OR2W1: variants seen among roughly 807,000 people sequenced by gnomAD.
OR2W1 encodes the protein olfactory receptor 2W1.
For synonymous variants in OR2W1, 133 were observed against 137.8 expected (o/e 0.97, Z 0.24); for missense variants, 367 against 385.3 (o/e 0.95, Z 0.40).
chr6:29,044,435 T>G lies in OR2W1; in HGVS notation c.741A>C (p.Val247=). ...AMNTCGSHLT[V]VSMFYGTIIY... Reference sequence around the variant, plus strand: ...TAATAGTTCCATAGAACATAGACACTACAGTAAGATGAGATCCACAGGTAT... The same window carrying G: ...TAATAGTTCCATAGAACATAGACACGACAGTAAGATGAGATCCACAGGTAT... Residue 247 remains valine, a synonymous_variant, in exon 1 of 1, where the codon GTA becomes GTC. Transcript: ENST00000377175. The surrounding 1 kb of genome is among the most constrained non-coding windows in gnomAD (Gnocchi z 4.3). 1 of 1,613,030 alleles carries G rather than the reference T, an allele frequency of 6.2e-7. No homozygotes were observed. The highest frequency in any genetic ancestry group is 2.2e-5 in the East Asian group (1 of 44,876).
rs752116788 is a variant in OR2W1, at chr6:29,044,759, A to C, written c.417T>G (p.His139Gln). ...TCATGATAATCATCTTTAGACATAG[A>C]TGTGGGTTCATGACTACAAAATAAT... ...PLHYFVVMNP[H>Q]LCLKMIIMIW... Residue 139 changes from histidine (H) to glutamine (Q), a missense_variant, in exon 1 of 1, where the codon CAT (histidine) becomes CAG (glutamine). Coordinates refer to ENST00000377175, the MANE Select transcript of OR2W1 (RefSeq NM_030903.3). The surrounding 1 kb of genome is among the most constrained non-coding windows in gnomAD (Gnocchi z 4.3). 1 of 1,612,890 alleles carries C rather than the reference A, an allele frequency of 6.2e-7. No individual in the cohort carries two copies. The highest frequency in any genetic ancestry group is 1.3e-5 in the African/African-American group (1 of 75,036).
rs773147526 is a variant in OR2W1 at position 29,044,590 on chromosome 6, C to T, written c.586G>A (p.Glu196Lys). 2 of 1,613,022 alleles carry T rather than the reference C, an allele frequency of 1.2e-6. No homozygotes were observed. The highest frequency in any genetic ancestry group is 1.7e-6 in the Non-Finnish European group (2 of 1,179,986). The change falls in exon 1 of 1, where the codon GAA becomes AAA. Residue 196 changes from glutamate to lysine, a missense_variant. Glu to Lys is a moderately conservative substitution (Grantham distance 56). Transcript: ENST00000377175. The surrounding 1 kb of genome is among the most constrained non-coding windows in gnomAD (Gnocchi z 4.3). ...KIACVDTTTV[E>K]MSVFALGIII... The stretch of plus-strand genomic sequence containing the variant: ...ATGCCTAAAGCGAAAACAGACATTT[C>T]AACTGTTGTGGTGTCTACACAAGCT...
At position 29,044,995 on chromosome 6, in the gene OR2W1, A is replaced by G. The variant is rs759725773; in HGVS notation, c.181T>C (p.Phe61Leu). Reference sequence around the variant, plus strand: ...AGGAAAGATAAATTTCTGAGGAAAAAGTACATTGGTGTATGAAGCTGGGAA... The same window carrying G: ...AGGAAAGATAAATTTCTGAGGAAAAGGTACATTGGTGTATGAAGCTGGGAA... Reference protein sequence around the residue: ...LDSQLHTPMYFFLRNLSFLDL... With the variant: ...LDSQLHTPMYLFLRNLSFLDL... The change falls in exon 1 of 1, where the codon TTT (phenylalanine) becomes CTT (leucine). Residue 61 changes from phenylalanine (F) to leucine (L), a missense_variant. Transcript: ENST00000377175. This position sits in a 1 kb window ranked among gnomAD's most constrained non-coding sequence, Gnocchi z 4.3. 1 of 1,612,978 alleles carries G rather than the reference A, an allele frequency of 6.2e-7. No homozygotes were observed. Among genetic ancestry groups the G allele is most frequent in the East Asian group, 2.2e-5 (1 of 44,880 alleles).
chr6:29,044,765 G>C lies in OR2W1; in HGVS notation c.411C>G (p.Asn137Lys). Residue 137 changes from asparagine to lysine, a missense_variant, in exon 1 of 1, where the codon AAC (asparagine) becomes AAG (lysine). Transcript: ENST00000377175. This position sits in a 1 kb window ranked among gnomAD's most constrained non-coding sequence, Gnocchi z 4.3. Reference protein sequence around the residue: ...CKPLHYFVVMNPHLCLKMIIM... With the variant: ...CKPLHYFVVMKPHLCLKMIIM... ...TAATCATCTTTAGACATAGATGTGG[G>C]TTCATGACTACAAAATAATGCAAGG... The C allele has an allele frequency of 1.2e-6, 2 of 1,612,816 alleles. No individual in the cohort carries two copies.
In OR2W1 at chr6:29,044,422, A is replaced by G. The variant is rs1394903978; in HGVS notation, c.754T>C (p.Tyr252His). The G allele has an allele frequency of 4.3e-6, 7 of 1,612,972 alleles. No individual in the cohort carries two copies. Among genetic ancestry groups the G allele is most frequent in the Non-Finnish European group, 5.9e-6 (7 of 1,179,968 alleles). ...AGGTACATGTAGATAATAGTTCCAT[A>G]GAACATAGACACTACAGTAAGATGA... is the stretch of plus-strand genomic sequence containing the variant. ...GSHLTVVSMF[Y>H]GTIIYMYLQP... is the part of the protein sequence containing the mutation. Residue 252 changes from tyrosine to histidine, a missense_variant, in exon 1 of 1, where the codon TAT (tyrosine) becomes CAT (histidine). Physicochemically the swap from Tyr to His is moderately conservative, Grantham distance 83. Transcript: ENST00000377175. The surrounding 1 kb of genome is among the most constrained non-coding windows in gnomAD (Gnocchi z 4.3).
In OR2W1 at chr6:29,045,042, A is replaced by T; in HGVS notation, c.134T>A (p.Ile45Asn). The T allele has an allele frequency of 6.2e-7, 1 of 1,613,070 alleles. No individual in the cohort carries two copies. Among genetic ancestry groups the T allele is most frequent in the African/African-American group, 1.3e-5 (1 of 75,052 alleles). ...YLITLVGNTA[I>N]ILASLLDSQL... ...GGAATCCAGGAGAGATGCAAGAATG[A>T]TGGCTGTGTTACCCACCAATGTAAT... The change falls in exon 1 of 1, where the codon ATC becomes AAC. Residue 45 changes from isoleucine to asparagine, a missense_variant. Transcript: ENST00000377175.
Position 29,044,493 on chromosome 6 carries a change from G to T in OR2W1, c.683C>A (p.Thr228Lys), listed in dbSNP as rs774114077. Residue 228 changes from threonine (T) to lysine (K), a missense_variant, in exon 1 of 1, where the codon ACG becomes AAG. Coordinates refer to ENST00000377175, the MANE Select transcript of OR2W1 (RefSeq NM_030903.3). This position sits in a 1 kb window ranked among gnomAD's most constrained non-coding sequence, Gnocchi z 4.3. Reference protein sequence around the residue: ...YGYIAKAVLRTKSKASQRKAM... With the variant: ...YGYIAKAVLRKKSKASQRKAM... The stretch of plus-strand genomic sequence containing the variant: ...TTTTCGCTGGCTTGCTTTTGACTTC[G>T]TTCTCAGCACAGCTTTGGCAATGTA... 6.2e-7 allele frequency: 1 copy of T among 1,612,842 alleles called. No individual in the cohort carries two copies. Among genetic ancestry groups the T allele is most frequent in the African/African-American group, 1.3e-5 (1 of 74,900 alleles).
chr6:29,045,143 A>G lies in OR2W1; in HGVS notation c.33T>C (p.Gly11=). 6.2e-7 allele frequency: 1 copy of G among 1,612,288 alleles called. No individual in the cohort carries two copies. Among genetic ancestry groups the G allele is most frequent in the Non-Finnish European group, 8.5e-7 (1 of 1,179,656 alleles). Residue 11 remains glycine (G), a synonymous_variant, in exon 1 of 1, where the codon GGT becomes GGC. Transcript: ENST00000377175. ...GGTTAGAGAAGCCAAGCAGAATAAA[A>G]CCATGTAAAGAACTATAATTGCTTT... is the stretch of plus-strand genomic sequence containing the variant. MDQSNYSSLH[G]FILLGFSNHP...
rs775168919 is a variant in OR2W1 at position 29,044,909 on chromosome 6, A to T, written c.267T>A (p.Asp89Glu). Residue 89 changes from aspartate (D) to glutamate (E), a missense_variant, in exon 1 of 1, where the codon GAT becomes GAA. Asp to Glu is a conservative substitution (Grantham distance 45). Transcript: ENST00000377175. This position sits in a 1 kb window ranked among gnomAD's most constrained non-coding sequence, Gnocchi z 4.3. Reference protein sequence around the residue: ...PQMLVNLWGPDKTISYVGCII... With the variant: ...PQMLVNLWGPEKTISYVGCII... ...TACAACCCACATAGCTGATGGTCTT[A>T]TCAGGTCCCCACAAGTTGACCAGCA... 6.2e-7 allele frequency: 1 copy of T among 1,612,878 alleles called. No individual in the cohort carries two copies. The highest frequency in any genetic ancestry group is 1.3e-5 in the African/African-American group (1 of 74,928).
In OR2W1 at chr6:29,044,357, G is replaced by A. The variant is rs1411125045; in HGVS notation, c.819C>T (p.Phe273=). 1.9e-6 allele frequency: 3 copies of A among 1,612,820 alleles called. No homozygotes were observed. Among genetic ancestry groups the A allele is most frequent in the Non-Finnish European group, 2.5e-6 (3 of 1,179,912 alleles). ...GNRASKDQGK[F]LTLFYTVITP... is the part of the protein sequence containing the mutation. ...TGATGACGGTGTAAAAGAGGGTGAG[G>A]AACTTGCCCTGGTCTTTGGAAGCCC... The change falls in exon 1 of 1, where the codon TTC becomes TTT. Residue 273 remains phenylalanine, a synonymous_variant. Coordinates refer to ENST00000377175, the MANE Select transcript of OR2W1 (RefSeq NM_030903.3). The surrounding 1 kb of genome is among the most constrained non-coding windows in gnomAD (Gnocchi z 4.3).
Position 29,044,441 on chromosome 6 carries a change from A to G in OR2W1, c.735T>C (p.Leu245=), listed in dbSNP as rs1446117493. ...TTCCATAGAACATAGACACTACAGT[A>G]AGATGAGATCCACAGGTATTCATTG... ...RKAMNTCGSH[L]TVVSMFYGTI... The change falls in exon 1 of 1, where the codon CTT becomes CTC. Residue 245 remains leucine, a synonymous_variant. Coordinates refer to ENST00000377175, the MANE Select transcript of OR2W1 (RefSeq NM_030903.3). The surrounding 1 kb of genome is among the most constrained non-coding windows in gnomAD (Gnocchi z 4.3). 1 of 1,612,930 alleles carries G rather than the reference A, an allele frequency of 6.2e-7. No homozygotes were observed. The highest frequency in any genetic ancestry group is 1.3e-5 in the African/African-American group (1 of 74,942).
Position 29,044,686 on chromosome 6 carries a change from G to C in OR2W1, c.490C>G (p.Leu164Val), listed in dbSNP as rs1562441600. ...TTGTTTCCACATGTGGGCAAATTCA[G>C]AGTGAGTGTACATAATACTACAGAA... ...ANSVVLCTLT[L>V]NLPTCGNNIL... Residue 164 changes from leucine (L) to valine (V), a missense_variant, in exon 1 of 1, where the codon CTG (leucine) becomes GTG (valine). Coordinates refer to ENST00000377175, the MANE Select transcript of OR2W1 (RefSeq NM_030903.3). The surrounding 1 kb of genome is among the most constrained non-coding windows in gnomAD (Gnocchi z 4.3). 6.2e-7 allele frequency: 1 copy of C among 1,613,020 alleles called. No individual in the cohort carries two copies. Among genetic ancestry groups the C allele is most frequent in the East Asian group, 2.2e-5 (1 of 44,886 alleles).
chr6:29,044,644 A>G lies in OR2W1; in HGVS notation c.532T>C (p.Leu178=). ...TTGACCAGAGCTGGCAACTCACACA[A>G]GAAATGATCCAGAATGTTGTTTCCA... The part of the protein sequence containing the change: ...TCGNNILDHF[L]CELPALVKIA... Residue 178 remains leucine (L), a synonymous_variant, in exon 1 of 1, where the codon TTG becomes CTG. Transcript: ENST00000377175. The surrounding 1 kb of genome is among the most constrained non-coding windows in gnomAD (Gnocchi z 4.3). The G allele has an allele frequency of 1.2e-6, 2 of 1,613,054 alleles. No homozygotes were observed. The highest frequency in any genetic ancestry group is 1.7e-6 in the Non-Finnish European group (2 of 1,180,000).
Position 29,044,902 on chromosome 6 carries a change from T to C in OR2W1, c.274A>G (p.Ile92Val). The C allele has an allele frequency of 6.2e-7, 1 of 1,612,968 alleles. No homozygotes were observed. Among genetic ancestry groups the C allele is most frequent in the Non-Finnish European group, 8.5e-7 (1 of 1,179,970 alleles). The change falls in exon 1 of 1, where the codon ATC becomes GTC. Residue 92 changes from isoleucine to valine, a missense_variant. Coordinates refer to ENST00000377175, the MANE Select transcript of OR2W1 (RefSeq NM_030903.3). This position sits in a 1 kb window ranked among gnomAD's most constrained non-coding sequence, Gnocchi z 4.3. The part of the protein sequence containing the change: ...LVNLWGPDKT[I>V]SYVGCIIQLY... Reference sequence around the variant, plus strand: ...TGGATGATACAACCCACATAGCTGATGGTCTTATCAGGTCCCCACAAGTTG... The same window carrying C: ...TGGATGATACAACCCACATAGCTGACGGTCTTATCAGGTCCCCACAAGTTG...
chr6:29,044,535 A>G lies in OR2W1; in HGVS notation c.641T>C (p.Ile214Thr). The change falls in exon 1 of 1, where the codon ATT (isoleucine) becomes ACT (threonine). Residue 214 changes from isoleucine to threonine, a missense_variant. Coordinates refer to ENST00000377175, the MANE Select transcript of OR2W1 (RefSeq NM_030903.3). The surrounding 1 kb of genome is among the most constrained non-coding windows in gnomAD (Gnocchi z 4.3). ...GGCAATGTAGCCATAGGATATAAGA[A>G]TAAGGATGAGAGGTGTGAGGACAAT... ...IIIVLTPLIL[I>T]LISYGYIAKA... The G allele has an allele frequency of 6.2e-7, 1 of 1,613,070 alleles. No individual in the cohort carries two copies. Among genetic ancestry groups the G allele is most frequent in the Non-Finnish European group, 8.5e-7 (1 of 1,180,008 alleles).
Position 29,044,276 on chromosome 6 carries a change from G to T in OR2W1, c.900C>A (p.Ala300=). The change falls in exon 1 of 1, where the codon GCC becomes GCA. Residue 300 remains alanine, a synonymous_variant. Transcript: ENST00000377175. This position sits in a 1 kb window ranked among gnomAD's most constrained non-coding sequence, Gnocchi z 4.3. ...GGTGAAATCTCATCAGTTTCTTCAG[G>T]GCATCCTTCATGTCCTTATTTCTTA... The part of the protein sequence containing the change: ...YTLRNKDMKD[A]LKKLMRFHHK... 1 of 1,606,764 alleles carries T rather than the reference G, an allele frequency of 6.2e-7. No individual in the cohort carries two copies. Among genetic ancestry groups the T allele is most frequent in the East Asian group, 2.2e-5 (1 of 44,826 alleles).
Position 29,044,458 on chromosome 6 carries a change from T to C in OR2W1, c.718A>G (p.Thr240Ala). ...SKASQRKAMN[T>A]CGSHLTVVSM... ...ACTACAGTAAGATGAGATCCACAGGTATTCATTGCTTTTCGCTGGCTTGCT... is the reference window on the plus strand; with the variant it reads ...ACTACAGTAAGATGAGATCCACAGGCATTCATTGCTTTTCGCTGGCTTGCT... Residue 240 changes from threonine to alanine, a missense_variant, in exon 1 of 1, where the codon ACC (threonine) becomes GCC (alanine). Thr to Ala is a moderately conservative substitution (Grantham distance 58, BLOSUM62 0). Coordinates refer to ENST00000377175, the MANE Select transcript of OR2W1 (RefSeq NM_030903.3). This position sits in a 1 kb window ranked among gnomAD's most constrained non-coding sequence, Gnocchi z 4.3. 1 of 1,613,034 alleles carries C rather than the reference T, an allele frequency of 6.2e-7. No individual in the cohort carries two copies. Among genetic ancestry groups the C allele is most frequent in the Non-Finnish European group, 8.5e-7 (1 of 1,179,994 alleles).
chr6:29,044,711 A>C lies in OR2W1; in HGVS notation c.465T>G (p.Asn155Lys). Residue 155 changes from asparagine (N) to lysine (K), a missense_variant, in exon 1 of 1, where the codon AAT (asparagine) becomes AAG (lysine). By Grantham distance (94) the Asn-to-Lys change is moderately conservative. Transcript: ENST00000377175. This position sits in a 1 kb window ranked among gnomAD's most constrained non-coding sequence, Gnocchi z 4.3. Reference protein sequence around the residue: ...IIMIWSISLANSVVLCTLTLN... With the variant: ...IIMIWSISLAKSVVLCTLTLN... ...GAGTGAGTGTACATAATACTACAGA[A>C]TTGGCCAAACTAATACTCCAGATCA... 6.2e-7 allele frequency: 1 copy of C among 1,611,854 alleles called. No homozygotes were observed. Among genetic ancestry groups the C allele is most frequent in the Non-Finnish European group, 8.5e-7 (1 of 1,179,110 alleles).
rs761831329 is a variant in OR2W1 at position 29,044,499 on chromosome 6, A to C, written c.677T>G (p.Leu226Arg). The C allele has an allele frequency of 1.9e-6, 3 of 1,613,056 alleles. No individual in the cohort carries two copies. Among genetic ancestry groups the C allele is most frequent in the Non-Finnish European group, 2.5e-6 (3 of 1,180,002 alleles). The stretch of plus-strand genomic sequence containing the variant: ...CTGGCTTGCTTTTGACTTCGTTCTC[A>C]GCACAGCTTTGGCAATGTAGCCATA... ...ISYGYIAKAVLRTKSKASQRK... is the reference protein window; with the variant it reads ...ISYGYIAKAVRRTKSKASQRK... Residue 226 changes from leucine (L) to arginine (R), a missense_variant, in exon 1 of 1, where the codon CTG becomes CGG. Transcript: ENST00000377175. This position sits in a 1 kb window ranked among gnomAD's most constrained non-coding sequence, Gnocchi z 4.3.
Sources: gnomAD v4.1 joint callset for allele counts on GRCh38, gnomAD v4.1.1 for gene constraint, Gnocchi (gnomAD v3.1) non-coding constraint, MANE v1.5 for transcripts, NCBI Gene and HGNC (gene_info 2026-07-23, HGNC 2026-07-21) for gene names.